The following PLCL2 variants were observed in gnomAD, a reference collection of about 807,000 sequenced individuals.
PLCL2 encodes inactive phospholipase C-like protein 2.
A neutral mutation model predicts 79.6 loss-of-function variants in PLCL2; 4 were observed. The observed-to-expected ratio is 0.05, with a 90% CI of 0.02 to 0.11. PLCL2 has a LOEUF of 0.11. PLCL2 is among the 10% of genes least tolerant of loss of function. The pLI is 1.00. For synonymous variants in PLCL2, 484 were observed against 457.7 expected (o/e 1.06, Z -0.73); for missense variants, 895 against 1,291.0 (o/e 0.69, Z 4.70).
intron 5 of PLCL2, among the ~76,000 whole-genome samples, chr3:17,082,139 G>GTT (rs58877063): frequency 0.17 from 17,169 of 101,242 alleles, 1,933 homozygotes; most frequent in African/African-American, 0.22. Context: ...CTCTTTCAGA[G>GTT]TTTTTTTTTT....
chr3:16,893,104 A>C (rs1292062336), intron 1 of PLCL2, among the ~76,000 whole-genome samples: 2 of 152,186 alleles, frequency 1.3e-5, no homozygotes, highest in African/African-American at 2.4e-5. Context: ...ATGTGTACCT[A>C]ACCAACATGA....
At chr3:16,934,708 A>G (rs974791918) in intron 1 of PLCL2, among the ~76,000 whole-genome samples, 3 of 152,146 alleles carry the variant, frequency 2.0e-5, no homozygotes, top group Non-Finnish European at 4.4e-5. Context: ...ATCCAAGTGA[A>G]AGGTGATGGT....
chr3:17,079,282 C>T (rs2065139232), intron 5 of PLCL2, among the ~76,000 whole-genome samples: 1 of 152,142 alleles, frequency 6.6e-6, no homozygotes, highest in African/African-American at 2.4e-5. Flanking sequence ...TCTCCTGACA[C>T]CCCACCTTCT....
chr3:17,029,363 GAAAA>G (rs199584858), intron 3 of PLCL2, among the ~76,000 whole-genome samples: 1,645 of 138,852 alleles, frequency 0.012, 31 homozygotes, highest in Admixed American at 0.05. Flanking sequence ...AAGAAAGAAA[GAAAA>G]AAAAAAACAA....
In PLCL2 at chr3:17,011,695, C is replaced by G. The variant is rs2064324653; in HGVS notation, c.2349C>G (p.Val783=). The G allele has an allele frequency of 6.2e-7, 1 of 1,614,040 alleles. No homozygotes were observed. The highest frequency in any genetic ancestry group is 1.1e-5 in the South Asian group (1 of 91,062). ...AAGGTGATGTGGTAGATCCTTATGT[C>G]TATGTTGAAATCCATGGAATCCCTG... ...GAKGDVVDPY[V]YVEIHGIPAD... Residue 783 remains valine, a synonymous_variant, in exon 2 of 6, where the codon GTC becomes GTG. Transcript: ENST00000615277. This position sits in a 1 kb window ranked among gnomAD's most constrained non-coding sequence, Gnocchi z 7.9.
chr3:16,985,087 T>C (rs1389165498), intron 1 of PLCL2, among the ~76,000 whole-genome samples: 2 of 152,104 alleles, frequency 1.3e-5, no homozygotes, highest in African/African-American at 4.8e-5. Flanking sequence ...TCAAAGAGAA[T>C]TGTTTGTGGA....
At chr3:16,958,176 C>T (rs1257470722) in intron 1 of PLCL2, among the ~76,000 whole-genome samples, 1 of 152,132 alleles carries the variant, frequency 6.6e-6, no homozygotes, top group African/African-American at 2.4e-5. Flanking sequence ...CTGATAGTTC[C>T]TTTCCACATA....
intron 1 of PLCL2, among the ~76,000 whole-genome samples, chr3:16,995,913 A>C (rs2064148674): frequency 6.6e-6 from 1 of 152,232 alleles, no homozygotes; most frequent in Admixed American, 6.5e-5. Context: ...TAAGCACAAA[A>C]GGATTTAAGA....
At chr3:16,966,007 A>G (rs1377819005) in intron 1 of PLCL2, among the ~76,000 whole-genome samples, 1 of 152,092 alleles carries the variant, frequency 6.6e-6, no homozygotes, top group Non-Finnish European at 1.5e-5. Flanking sequence ...AATACCCTTT[A>G]TTTCTTTCTC....
At chr3:17,030,827 T>C (rs1370771017) in intron 3 of PLCL2, among the ~76,000 whole-genome samples, 1 of 152,230 alleles carries the variant, frequency 6.6e-6, no homozygotes, top group Non-Finnish European at 1.5e-5. Context: ...TGAGAGAAAC[T>C]AATGATACTT....
At chr3:16,905,275 A>G (rs190890290) in intron 1 of PLCL2, among the ~76,000 whole-genome samples, 29 of 152,226 alleles carry the variant, frequency 1.9e-4, no homozygotes, top group African/African-American at 6.0e-4. Flanking sequence ...TTCTTTACAC[A>G]TGCTATCCTA....
intron 1 of PLCL2, among the ~76,000 whole-genome samples, chr3:16,962,855 T>C (rs1233064441): frequency 6.6e-6 from 1 of 152,206 alleles, no homozygotes; most frequent in Non-Finnish European, 1.5e-5. Context: ...AATACGTGTG[T>C]GTTTATACAT....
intron 3 of PLCL2, among the ~76,000 whole-genome samples, chr3:17,040,987 C>T (rs1433074294): frequency 6.6e-6 from 1 of 152,050 alleles, no homozygotes; most frequent in East Asian, 1.9e-4. Flanking sequence ...TGATACTGAG[C>T]TGTAACAATC....
chr3:17,049,615 C>T (rs1382298423), intron 4 of PLCL2, among the ~76,000 whole-genome samples: 1 of 151,962 alleles, frequency 6.6e-6, no homozygotes, highest in Non-Finnish European at 1.5e-5. Flanking sequence ...TAGGAATTAA[C>T]TTAAAGAAGT....
intron 1 of PLCL2, among the ~76,000 whole-genome samples, chr3:16,905,476 C>G (rs1696729361): frequency 6.6e-6 from 1 of 152,116 alleles, no homozygotes; most frequent in Non-Finnish European, 1.5e-5. Context: ...TCTTTTTTAT[C>G]TGTGCAATTT....
At position 17,010,445 on chromosome 3, in the gene PLCL2, C is replaced by T; in HGVS notation, c.1099C>T (p.Leu367Phe). ...TGATACCAAGGACCTTATGATGTTT[C>T]TTGAGGCAGAACAGGGTGTGGCACA... ...FLDTKDLMMF[L>F]EAEQGVAHIN... The change falls in exon 2 of 6, where the codon CTT becomes TTT. Residue 367 changes from leucine to phenylalanine, a missense_variant. Coordinates refer to ENST00000615277, the MANE Select transcript of PLCL2 (RefSeq NM_001144382.2). This position sits in a 1 kb window ranked among gnomAD's most constrained non-coding sequence, Gnocchi z 5.8. 1 of 1,613,968 alleles carries T rather than the reference C, an allele frequency of 6.2e-7. No homozygotes were observed. Among genetic ancestry groups the T allele is most frequent in the Non-Finnish European group, 8.5e-7 (1 of 1,179,974 alleles).
At chr3:17,037,933 T>C (rs1300331994) in intron 3 of PLCL2, among the ~76,000 whole-genome samples, 1 of 152,096 alleles carries the variant, frequency 6.6e-6, no homozygotes, top group Non-Finnish European at 1.5e-5. Context: ...ATTTATGTAA[T>C]AATAACCCTT....
intron 3 of PLCL2, among the ~76,000 whole-genome samples, chr3:17,027,689 A>T (rs1178482390): frequency 6.6e-6 from 1 of 150,942 alleles, no homozygotes; most frequent in Non-Finnish European, 1.5e-5. Context: ...TACTCACTGC[A>T]TTTTGAGTTT....
At chr3:16,942,711 T>C (rs778643531) in intron 1 of PLCL2, among the ~76,000 whole-genome samples, 3 of 152,230 alleles carry the variant, frequency 2.0e-5, no homozygotes, top group Non-Finnish European at 4.4e-5. Flanking sequence ...TATGCCTTTT[T>C]CTTCCTCATT....
Sources: gnomAD v4.1 joint callset for allele counts (sites outside exome capture counted in the v4.1 genomes callset) on GRCh38, gnomAD v4.1.1 for gene constraint, Gnocchi (gnomAD v3.1) non-coding constraint, MANE v1.5 for transcripts, NCBI Gene and HGNC (gene_info 2026-07-23, HGNC 2026-07-21) for gene names.